DIP2B: variants seen among roughly 807,000 people sequenced by gnomAD.
DIP2B encodes DIP2 acetate--CoA ligase B (putative).
Under a neutral mutation model 198.0 loss-of-function variants are expected in DIP2B, and 76 were observed. The ratio of observed to expected loss-of-function variants is 0.38; its 90% confidence interval spans 0.32 to 0.46. The LOEUF (loss-of-function observed/expected upper bound fraction) is 0.46. Ranked by LOEUF, DIP2B falls within the 20% of genes least tolerant of loss-of-function variation. The pLI, the probability that DIP2B is intolerant of heterozygous loss-of-function variation, is 0.99. For missense variants in DIP2B, 1,559 were observed against 1,978.4 expected (o/e 0.79, Z 4.02); for synonymous variants, 701 against 739.1 (o/e 0.95, Z 0.84).
chr12:50,709,497 G>T (rs566478188), intron 22 of DIP2B, among the ~76,000 whole-genome samples: 11 of 152,070 alleles, frequency 7.2e-5, no homozygotes, highest in African/African-American at 2.7e-4. Context: ...AATTAACTGG[G>T]CGTGGTGGCA....
At chr12:50,691,856 G>C (rs920387316) in intron 13 of DIP2B, among the ~76,000 whole-genome samples, 1 of 152,144 alleles carries the variant, frequency 6.6e-6, no homozygotes, top group Non-Finnish European at 1.5e-5. Flanking sequence ...CTGAGGTCAA[G>C]GGTTCGAGAC....
At chr12:50,703,360 A>G (rs774125841) in intron 19 of DIP2B, among the ~76,000 whole-genome samples, 13 of 152,154 alleles carry the variant, frequency 8.5e-5, no homozygotes, top group Non-Finnish European at 1.9e-4. Flanking sequence ...ACATTCTAGT[A>G]TGATATTAAT....
intron 1 of DIP2B, among the ~76,000 whole-genome samples, chr12:50,565,651 TG>T (rs1958557657): frequency 6.6e-6 from 1 of 152,180 alleles, no homozygotes; most frequent in African/African-American, 2.4e-5. Flanking sequence ...CAATGCCAGC[TG>T]TTTTTATTAC....
intron 7 of DIP2B, among the ~76,000 whole-genome samples, chr12:50,677,392 C>T (rs759024673): frequency 3.9e-5 from 6 of 152,014 alleles, no homozygotes; most frequent in South Asian, 4.1e-4. Flanking sequence ...GAGGCTGAGG[C>T]GAGTGGGAAT....
chr12:50,589,234 CTTTGTT>C (rs1958797849), intron 1 of DIP2B, among the ~76,000 whole-genome samples: 1 of 145,154 alleles, frequency 6.9e-6, no homozygotes, highest in African/African-American at 2.7e-5. Flanking sequence ...ATTTGTTTGT[CTTTGTT>C]TTTTTTTTTT....
chr12:50,560,374 C>T (rs1332464679), intron 1 of DIP2B, among the ~76,000 whole-genome samples: 1 of 145,482 alleles, frequency 6.9e-6, no homozygotes, highest in Non-Finnish European at 1.5e-5. Context: ...CCAGCTTGGG[C>T]AACGGAGCAA....
intron 1 of DIP2B, among the ~76,000 whole-genome samples, chr12:50,592,066 C>T (rs1040676742): frequency 1.5e-4 from 22 of 151,564 alleles, no homozygotes; most frequent in African/African-American, 3.4e-4. Context: ...TTAGTAGAGA[C>T]GGGGGTCTCA....
intron 9 of DIP2B, among the ~76,000 whole-genome samples, chr12:50,682,583 C>T (rs995742379): frequency 6.3e-5 from 9 of 142,902 alleles, no homozygotes; most frequent in African/African-American, 1.8e-4. Flanking sequence ...GAGCTGAGAT[C>T]GCACCACTGC....
chr12:50,569,434 T>C (rs1958594525), intron 1 of DIP2B, among the ~76,000 whole-genome samples: 1 of 152,214 alleles, frequency 6.6e-6, no homozygotes, highest in Non-Finnish European at 1.5e-5. Context: ...GGTAATATCT[T>C]TTTAGCCTAC....
chr12:50,505,064 C>T lies in DIP2B; in HGVS notation c.-77C>T. ...GGCGGCCGGAGCCGGATCCTGTAGCCGGGTGTGGGCCCGTGTCTGTCCGTC... is the reference window on the plus strand; with the variant it reads ...GGCGGCCGGAGCCGGATCCTGTAGCTGGGTGTGGGCCCGTGTCTGTCCGTC... On this transcript the variant is annotated 5_prime_UTR_variant, in exon 1 of 38. Coordinates refer to ENST00000301180, the MANE Select transcript of DIP2B (RefSeq NM_173602.3). 6 of 1,381,906 alleles carry T rather than the reference C, an allele frequency of 4.3e-6. No individual in the cohort carries two copies. Among genetic ancestry groups the T allele is most frequent in the Non-Finnish European group, 5.9e-6 (6 of 1,020,010 alleles). 85.6% of individuals were successfully genotyped at this position (1,381,906 alleles called of 1,614,324 possible). A position where few individuals can be genotyped will look rare whatever the true frequency, so the allele number is the denominator to read the frequency against.
chr12:50,708,193 A>AT (rs1241682683), intron 21 of DIP2B, among the ~76,000 whole-genome samples: 3 of 152,176 alleles, frequency 2.0e-5, no homozygotes, highest in African/African-American at 7.2e-5. Flanking sequence ...TGTCTCTAAC[A>AT]TATAAGTGCC....
Position 50,698,362 on chromosome 12 carries a change from G to A in DIP2B, c.2083G>A (p.Ala695Thr). The A allele has an allele frequency of 6.2e-7, 1 of 1,613,792 alleles. No homozygotes were observed. Among genetic ancestry groups the A allele is most frequent in the Non-Finnish European group, 8.5e-7 (1 of 1,179,820 alleles). ...GVPGAPLPGR[A>T]ILSMNGLSYG... ...TCCAGGAGCCCCTTTGCCAGGAAGA[G>A]CCATTCTCTCAATGAATGGATTGAG... The change falls in exon 18 of 38, where the codon GCC becomes ACC. Residue 695 changes from alanine (A) to threonine (T), a missense_variant. Physicochemically the swap from Ala to Thr is moderately conservative, Grantham distance 58 (BLOSUM62 0). Coordinates refer to ENST00000301180, the MANE Select transcript of DIP2B (RefSeq NM_173602.3).
chr12:50,668,096 C>T (rs933200291), intron 4 of DIP2B, among the ~76,000 whole-genome samples: 1 of 152,174 alleles, frequency 6.6e-6, no homozygotes, highest in Non-Finnish European at 1.5e-5. Context: ...CAAGCTTTCT[C>T]GCGTGCAGCC....
chr12:50,575,782 G>A (rs1449017592), intron 1 of DIP2B, among the ~76,000 whole-genome samples: 2 of 151,878 alleles, frequency 1.3e-5, no homozygotes, highest in African/African-American at 2.4e-5. Context: ...TTTTGAGATG[G>A]AGTCTTGCTT....
chr12:50,525,356 T>TCA (rs1193910862), intron 1 of DIP2B, among the ~76,000 whole-genome samples: 501 of 12,084 alleles, frequency 0.041, 2 homozygotes, highest in African/African-American at 0.12. Context: ...AGACTCCATC[T>TCA]CAAAAAAAAA....
At chr12:50,692,103 C>A (rs2139549231) in intron 13 of DIP2B, among the ~76,000 whole-genome samples, 1 of 151,944 alleles carries the variant, frequency 6.6e-6, no homozygotes, top group South Asian at 2.1e-4. Context: ...CATATAATGG[C>A]TGGGACATTA....
At chr12:50,596,675 G>A (rs1262627154) in intron 1 of DIP2B, among the ~76,000 whole-genome samples, 1 of 152,010 alleles carries the variant, frequency 6.6e-6, no homozygotes, top group Admixed American at 6.6e-5. Context: ...GACCAGCCTG[G>A]GCAACATGGC....
intron 1 of DIP2B, among the ~76,000 whole-genome samples, chr12:50,579,375 G>A (rs1176670662): frequency 5.3e-5 from 8 of 151,538 alleles, no homozygotes. Context: ...CACTTTGGGA[G>A]GCCAAGGAGG....
At position 50,684,143 on chromosome 12, in the gene DIP2B, G is replaced by C. The variant is rs186088202; in HGVS notation, c.1317+895G>C. 6.2e-3 allele frequency among the ~76,000 whole-genome samples: 942 copies of C among 152,202 alleles called. 13 individuals carry two copies. Among genetic ancestry groups the C allele is most frequent in the Non-Finnish European group, 6.1e-3 (412 of 68,000 alleles). On this transcript the variant is annotated intron_variant, in intron 10 of 37. Transcript: ENST00000301180. The stretch of plus-strand genomic sequence containing the variant: ...GAATATAAAATAAAATATCATGGGG[G>C]CATACTTGACTTTCAACACTGATCA...
Sources: allele counts gnomAD v4.1 joint callset (sites outside exome capture counted in the v4.1 genomes callset), GRCh38; gene constraint gnomAD v4.1.1; transcripts MANE v1.5; gene names NCBI Gene and HGNC (gene_info 2026-07-23, HGNC 2026-07-21).